KLHL14: variants seen among roughly 807,000 people sequenced by gnomAD.
The protein encoded by KLHL14 is kelch-like protein 14.
A neutral mutation model predicts 64.3 loss-of-function variants in KLHL14; 22 were observed. The observed-to-expected ratio is 0.34, with a 90% CI of 0.24 to 0.49. KLHL14 has a LOEUF of 0.49. Among genes scored for constraint, KLHL14 ranks in the 20% least tolerant of loss-of-function variants. The pLI is 0.99. For synonymous variants in KLHL14, 322 were observed against 333.4 expected (o/e 0.97, Z 0.37); for missense variants, 661 against 789.0 (o/e 0.84, Z 1.94).
At chr18:32,766,668 C>G (rs2050347081) in intron 2 of KLHL14, among the ~76,000 whole-genome samples, 1 of 152,036 alleles carries the variant, frequency 6.6e-6, no homozygotes, top group South Asian at 2.1e-4. Context: ...TATTTGAATA[C>G]AGAGTGACAA....
Position 32,713,597 on chromosome 18 carries a change from G to C in KLHL14, c.1070-18045C>G, listed in dbSNP as rs142726604. Among the ~76,000 whole-genome samples, 715 of 152,166 alleles carry C rather than the reference G, an allele frequency of 4.7e-3. 10 individuals carry two copies. The highest frequency in any genetic ancestry group is 0.016 in the African/African-American group (645 of 41,536). ...AGGGAGACCCCATCTGTATTATAAA[G>C]AAAATAACAACCTTTAGACATTTTT... On this transcript the variant is annotated intron_variant, in intron 3 of 8. Coordinates refer to ENST00000359358, the MANE Select transcript of KLHL14 (RefSeq NM_020805.3).
chr18:32,732,993 C>T (rs1181740105), intron 3 of KLHL14, among the ~76,000 whole-genome samples: 1 of 152,122 alleles, frequency 6.6e-6, no homozygotes, highest in Non-Finnish European at 1.5e-5. Context: ...TTGCTGTTGG[C>T]TGGACTTGGC....
At chr18:32,678,498 A>C (rs552091427) in intron 7 of KLHL14, among the ~76,000 whole-genome samples, 2 of 152,300 alleles carry the variant, frequency 1.3e-5, no homozygotes, top group East Asian at 3.9e-4. Context: ...ACACCAGAGT[A>C]TATTCCTTTC....
rs144381310 is a variant in KLHL14, at chr18:32,690,172, G to A, written c.1160-2939C>T. 3.0e-3 allele frequency among the ~76,000 whole-genome samples: 452 copies of A among 152,240 alleles called. 4 individuals carry two copies. The highest frequency in any genetic ancestry group is 0.011 in the African/African-American group (441 of 41,542). ...CCATAGAAGCTAAGCTCAGTAAAAC[G>A]GGAAGTAAGGACACAAGGGGATGAC... On this transcript the variant is annotated intron_variant, in intron 4 of 8. Coordinates refer to ENST00000359358, the MANE Select transcript of KLHL14 (RefSeq NM_020805.3).
chr18:32,732,517 A>T (rs1450763911), intron 3 of KLHL14, among the ~76,000 whole-genome samples: 1 of 152,176 alleles, frequency 6.6e-6, no homozygotes, highest in Non-Finnish European at 1.5e-5. Context: ...TTGAAATTAG[A>T]TGTGGCTGAG....
chr18:32,739,520 T>G (rs2050184112), intron 3 of KLHL14, among the ~76,000 whole-genome samples: 1 of 152,122 alleles, frequency 6.6e-6, no homozygotes, highest in African/African-American at 2.4e-5. Flanking sequence ...TATTTTTAAG[T>G]ACAAGTTCCA....
chr18:32,676,687 G>A (rs918233556), intron 8 of KLHL14, among the ~76,000 whole-genome samples: 1 of 152,056 alleles, frequency 6.6e-6, no homozygotes, highest in Admixed American at 6.6e-5. Flanking sequence ...CTGAATGATG[G>A]GTTAATGAAG....
chr18:32,705,854 A>G (rs1284728802), intron 3 of KLHL14, among the ~76,000 whole-genome samples: 1 of 152,244 alleles, frequency 6.6e-6, no homozygotes, highest in Non-Finnish European at 1.5e-5. Flanking sequence ...CCTTTTGGAC[A>G]GCGGGCCTGC....
At chr18:32,675,273 G>A (rs1170758332) in intron 8 of KLHL14, among the ~76,000 whole-genome samples, 1 of 152,134 alleles carries the variant, frequency 6.6e-6, no homozygotes, top group Non-Finnish European at 1.5e-5. Context: ...TAGGACAGGA[G>A]GATCGTGGTT....
At position 32,680,637 on chromosome 18, in the gene KLHL14, G is replaced by A. The variant is rs572386501; in HGVS notation, c.1239-38C>T. The A allele has an allele frequency of 3.8e-5, 58 of 1,543,130 alleles. No individual in the cohort carries two copies. The highest frequency in any genetic ancestry group is 4.9e-5 in the Non-Finnish European group (56 of 1,139,372). On this transcript the variant is annotated intron_variant, in intron 5 of 8. Coordinates refer to ENST00000359358, the MANE Select transcript of KLHL14 (RefSeq NM_020805.3). This position sits in a 1 kb window ranked among gnomAD's most constrained non-coding sequence, Gnocchi z 4.8. The stretch of plus-strand genomic sequence containing the variant: ...GAACCCACAGTAAATCACAAGAGGA[G>A]CTGTGAAATGTTACCTTTCGAAATA...
intron 3 of KLHL14, among the ~76,000 whole-genome samples, chr18:32,730,923 T>C (rs1251780793): frequency 6.6e-6 from 1 of 152,206 alleles, no homozygotes; most frequent in Non-Finnish European, 1.5e-5. Flanking sequence ...GAAGCGGTCG[T>C]CTGCCTTGAC....
At chr18:32,746,152 C>T (rs1206353728) in intron 2 of KLHL14, among the ~76,000 whole-genome samples, 1 of 151,988 alleles carries the variant, frequency 6.6e-6, no homozygotes, top group Admixed American at 6.6e-5. Flanking sequence ...TTCATTTTAC[C>T]CATTTTACCC....
chr18:32,742,529 G>A (rs999858083), intron 2 of KLHL14, among the ~76,000 whole-genome samples: 6 of 152,138 alleles, frequency 3.9e-5, no homozygotes, highest in African/African-American at 1.4e-4. Flanking sequence ...CTTCAAATAC[G>A]AGTTTGGTAC....
chr18:32,741,333 T>G (rs1253960840), intron 3 of KLHL14, among the ~76,000 whole-genome samples: 2 of 152,124 alleles, frequency 1.3e-5, no homozygotes, highest in African/African-American at 4.8e-5. Context: ...TAAAACACAA[T>G]CGCCCTTTAG....
intron 5 of KLHL14, 64 bp downstream of exon 5, chr18:32,687,091 C>T (rs2049883015): frequency 1.5e-6 from 2 of 1,353,898 alleles, no homozygotes; most frequent in Admixed American, 1.7e-5. Flanking sequence ...CAAAAAACCA[C>T]CTAGCACCCA....
chr18:32,746,695 A>G (rs1598574383), intron 2 of KLHL14, among the ~76,000 whole-genome samples: 1 of 152,348 alleles, frequency 6.6e-6, no homozygotes, highest in East Asian at 1.9e-4. Flanking sequence ...ATTTAGGCAA[A>G]ATTCATTTTA....
intron 3 of KLHL14, among the ~76,000 whole-genome samples, chr18:32,696,405 T>G (rs1359950892): frequency 1.3e-5 from 2 of 152,200 alleles, no homozygotes; most frequent in Non-Finnish European, 1.5e-5. Context: ...TGTGCAGTGT[T>G]AGTGTCTGCT....
At chr18:32,695,239 C>T (rs192106213) in intron 4 of KLHL14, among the ~76,000 whole-genome samples, 1 of 152,172 alleles carries the variant, frequency 6.6e-6, no homozygotes, top group East Asian at 1.9e-4. Flanking sequence ...ACTGTGAAGC[C>T]AAATCCCCAG....
At chr18:32,681,578 C>A (rs1019147788) in intron 5 of KLHL14, among the ~76,000 whole-genome samples, 6 of 151,954 alleles carry the variant, frequency 3.9e-5, no homozygotes, top group African/African-American at 1.2e-4. Context: ...TTCACTGATA[C>A]TACTGGAATA....
Sources: gnomAD v4.1 joint callset for allele counts (sites outside exome capture counted in the v4.1 genomes callset) on GRCh38, gnomAD v4.1.1 for gene constraint, Gnocchi (gnomAD v3.1) non-coding constraint, MANE v1.5 for transcripts, NCBI Gene and HGNC (gene_info 2026-07-23, HGNC 2026-07-21) for gene names.